Variants in TIAM2 observed in about 807,000 individuals in gnomAD.
TIAM2 encodes the protein rho guanine nucleotide exchange factor TIAM2.
TIAM2 carries 80 observed loss-of-function variants against 152.9 expected under a neutral mutation model. The observed-to-expected ratio is 0.52, with a 90% CI of 0.44 to 0.63. TIAM2 has a LOEUF of 0.63. Among genes scored for constraint, TIAM2 ranks in the 30% least tolerant of loss-of-function variants. The pLI, the probability that TIAM2 is intolerant of heterozygous loss-of-function variation, is 0.00. For missense variants in TIAM2, 1,965 were observed against 2,120.1 expected (o/e 0.93, Z 1.44); for synonymous variants, 804 against 838.0 (o/e 0.96, Z 0.70).
At chr6:155,059,155 A>T (rs1777512108) in intron 1 of TIAM2, among the ~76,000 whole-genome samples, 1 of 152,158 alleles carries the variant, frequency 6.6e-6, no homozygotes. Context: ...TCAGTCTGTG[A>T]TTCTACATTG....
intron 16 of TIAM2, 41 bp downstream of exon 16, chr6:155,240,750 A>T: frequency 6.3e-7 from 1 of 1,575,730 alleles, no homozygotes; most frequent in Non-Finnish European, 8.6e-7. Flanking sequence ...TGCCTCTTTG[A>T]TGATGGCAAG....
intron 1 of TIAM2, among the ~76,000 whole-genome samples, chr6:155,042,802 T>A (rs1777079345): frequency 6.6e-6 from 1 of 152,190 alleles, no homozygotes; most frequent in African/African-American, 2.4e-5. Context: ...TCAGCATTTT[T>A]CAAGTATACA....
At chr6:155,146,754 G>T (rs909687640) in intron 6 of TIAM2, among the ~76,000 whole-genome samples, 1 of 136,932 alleles carries the variant, frequency 7.3e-6, no homozygotes, top group Non-Finnish European at 1.5e-5. Flanking sequence ...GGTGCCCGCC[G>T]CTATGCCTGG....
At chr6:155,141,015 G>C (rs1779690674) in intron 5 of TIAM2, among the ~76,000 whole-genome samples, 1 of 152,138 alleles carries the variant, frequency 6.6e-6, no homozygotes, top group African/African-American at 2.4e-5. Flanking sequence ...TATCCCAAAA[G>C]GTAGACCAGG....
At chr6:155,148,366 A>C in intron 7 of TIAM2, 32 bp downstream of exon 7, 1 of 1,587,806 alleles carries the variant, frequency 6.3e-7, no homozygotes, top group East Asian at 2.3e-5. Context: ...GTTTTCTTCC[A>C]TTGCTCATGT....
intron 1 of TIAM2, among the ~76,000 whole-genome samples, chr6:155,079,757 G>C (rs1338709437): frequency 6.6e-6 from 1 of 152,194 alleles, no homozygotes; most frequent in African/African-American, 2.4e-5. Flanking sequence ...GACTAGCCTA[G>C]CTAACATGGT....
intron 1 of TIAM2, among the ~76,000 whole-genome samples, chr6:155,077,698 T>G (rs1777989287): frequency 1.3e-5 from 2 of 152,194 alleles, no homozygotes; most frequent in African/African-American, 4.8e-5. Flanking sequence ...CATAGGGCAG[T>G]GTGTCAGGTA....
intron 1 of TIAM2, among the ~76,000 whole-genome samples, chr6:155,021,968 A>G (rs1776506254): frequency 1.3e-5 from 2 of 152,122 alleles, no homozygotes; most frequent in Admixed American, 1.3e-4. Context: ...CGGCTTTCCC[A>G]AAGCTGCTTC....
rs547652090 is a variant in TIAM2 at position 155,169,633 on chromosome 6, C to T, written c.2361+4224C>T. On this transcript the variant is annotated intron_variant, in intron 9 of 26. Transcript: ENST00000682666. ...TTCTATGCTGTGTCTCTCCAGGCGCCGTCAAGGGGAGCCTGAGTAATGTCT... is the reference window on the plus strand; with the variant it reads ...TTCTATGCTGTGTCTCTCCAGGCGCTGTCAAGGGGAGCCTGAGTAATGTCT... 4.6e-5 allele frequency among the ~76,000 whole-genome samples: 7 copies of T among 152,242 alleles called. No homozygotes were observed. In the East Asian group the frequency reaches 7.7e-4, roughly 17 times the overall value.
At chr6:155,201,203 C>T (rs10457910) in intron 14 of TIAM2, among the ~76,000 whole-genome samples, 112,018 of 152,132 alleles carry the variant, frequency 0.74, 41,581 homozygotes, top group African/African-American at 0.79. Flanking sequence ...CCAAGAGAAC[C>T]GTAGCACTTA....
intron 1 of TIAM2, among the ~76,000 whole-genome samples, chr6:155,088,211 C>T (rs1330370582): frequency 2.6e-5 from 4 of 151,976 alleles, no homozygotes; most frequent in Admixed American, 6.6e-5. Flanking sequence ...TGCGCCACCA[C>T]GCCCGGCTAA....
rs1340147771 is a variant in TIAM2 at position 155,129,078 on chromosome 6, G to A, written c.-6-140G>A. On this transcript the variant is annotated intron_variant, in intron 3 of 26. Transcript: ENST00000682666. This position sits in a 1 kb window ranked among gnomAD's most constrained non-coding sequence, Gnocchi z 4.8. The stretch of plus-strand genomic sequence containing the variant: ...ATAAGGAGAGCCTGTTCTACTGACT[G>A]ACTCTTGTCCCTACTCCTCTGAGTC... The A allele has an allele frequency of 4.1e-6, 3 of 726,508 alleles. No individual in the cohort carries two copies. In the African/African-American group the frequency reaches 5.3e-5, roughly 13 times the overall value. The allele number at this position is 726,508 out of a possible 1,614,324, so 45.0% of individuals were successfully genotyped here.
rs1336360144 is a variant in TIAM2 at position 155,028,384 on chromosome 6, CAT to C, written c.-209+32898_-209+32899del. Among the ~76,000 whole-genome samples the C allele has an allele frequency of 4.6e-4, 44 of 96,488 alleles. 4 individuals carry two copies. Among genetic ancestry groups the C allele is most frequent in the African/African-American group, 2.1e-3 (43 of 20,540 alleles). The allele number at this position is 96,488 out of a possible 152,430, so 63.3% of individuals were successfully genotyped here. ...TACATATAATATATATACTGTGTTACATATATACTACATATATATACTGTGTT... is the reference window on the plus strand; with the variant it reads ...TACATATAATATATATACTGTGTTACATATACTACATATATATACTGTGTT... On this transcript the variant is annotated intron_variant, in intron 1 of 26. Coordinates refer to ENST00000682666, the MANE Select transcript of TIAM2 (RefSeq NM_012454.4).
intron 2 of TIAM2, among the ~76,000 whole-genome samples, chr6:155,111,337 A>T (rs887803055): frequency 2.7e-5 from 4 of 146,648 alleles, no homozygotes; most frequent in Admixed American, 6.9e-5. Context: ...ACACACACAC[A>T]CTCTCCGTTG....
In TIAM2 at chr6:155,082,666, CAATAAATA is replaced by C. The variant is rs200019932; in HGVS notation, c.-208-7586_-208-7579del. ...ACTCCATCTCAACCCAAAAAAACCC[CAATAAATA>C]AATAAATAAATAAATAAATAAATAA... On this transcript the variant is annotated intron_variant, in intron 1 of 26. Transcript: ENST00000682666. 8.7e-3 allele frequency among the ~76,000 whole-genome samples: 1,235 copies of C among 141,364 alleles called. 22 individuals carry two copies. The highest frequency in any genetic ancestry group is 0.03 in the African/African-American group (1,130 of 37,248). The allele number at this position is 141,364 out of a possible 152,430, so 92.7% of individuals were successfully genotyped here. A position where few individuals can be genotyped will look rare whatever the true frequency, so the allele number is the denominator to read the frequency against.
chr6:155,151,731 G>A (rs1238580991), intron 7 of TIAM2, among the ~76,000 whole-genome samples: 4 of 151,948 alleles, frequency 2.6e-5, no homozygotes, highest in African/African-American at 7.3e-5. Flanking sequence ...TGTGCTGGGT[G>A]TATAGATACA....
At chr6:155,092,912 AG>A (rs1451389924) in intron 2 of TIAM2, among the ~76,000 whole-genome samples, 3 of 152,212 alleles carry the variant, frequency 2.0e-5, no homozygotes, top group African/African-American at 7.2e-5. Flanking sequence ...TGGTAACACA[AG>A]TTTGAAATTT....
At chr6:154,998,346 T>C (rs1221998680) in intron 1 of TIAM2, among the ~76,000 whole-genome samples, 1 of 152,170 alleles carries the variant, frequency 6.6e-6, no homozygotes, top group Non-Finnish European at 1.5e-5. Context: ...AAGTGAGATG[T>C]CACAGAATTA....
chr6:155,185,608 C>T (rs1053599206), intron 14 of TIAM2, among the ~76,000 whole-genome samples: 1 of 152,012 alleles, frequency 6.6e-6, no homozygotes, highest in Non-Finnish European at 1.5e-5. Flanking sequence ...TCATCTTAGG[C>T]AGCCATTCGG....
Sources: allele counts gnomAD v4.1 joint callset (sites outside exome capture counted in the v4.1 genomes callset), GRCh38; gene constraint gnomAD v4.1.1; non-coding constraint Gnocchi (gnomAD v3.1); transcripts MANE v1.5; gene names NCBI Gene and HGNC (gene_info 2026-07-23, HGNC 2026-07-21).